The following ANO4 variants were observed in gnomAD, a reference collection of about 807,000 sequenced individuals.
ANO4 encodes the protein anoctamin-4.
Under a neutral mutation model 141.9 loss-of-function variants are expected in ANO4, and 69 were observed. The ratio of observed to expected loss-of-function variants is 0.49; its 90% CI spans 0.40 to 0.59. The LOEUF is 0.59. Among genes scored for constraint, ANO4 ranks in the 20% least tolerant of loss-of-function variants. The probability of loss-of-function intolerance (pLI) is 0.00; values close to 1 mark genes in which losing one functional copy is unlikely to be tolerated. For synonymous variants in ANO4, 350 were observed against 394.3 expected (o/e 0.89, Z 1.33); for missense variants, 894 against 1,162.2 (o/e 0.77, Z 3.36).
intron 1 of ANO4, among the ~76,000 whole-genome samples, chr12:100,855,543 G>A (rs967726347): frequency 6.6e-6 from 1 of 152,046 alleles, no homozygotes; most frequent in Non-Finnish European, 1.5e-5. Flanking sequence ...ATGGCTCTAT[G>A]ATAGCCTCTT....
chr12:100,901,887 G>T, intron 2 of ANO4, 47 bp downstream of exon 2: 2 of 1,474,560 alleles, frequency 1.4e-6, no homozygotes, highest in South Asian at 1.3e-5. Context: ...GTAGCAACCT[G>T]ACCACAGTCT....
At chr12:100,832,691 A>G (rs1477884057) in intron 1 of ANO4, among the ~76,000 whole-genome samples, 3 of 152,128 alleles carry the variant, frequency 2.0e-5, no homozygotes, top group African/African-American at 7.2e-5. Context: ...CCTGCTGCTT[A>G]ATGATTTCAG....
intron 7 of ANO4, among the ~76,000 whole-genome samples, chr12:100,975,955 A>C (rs56387762): frequency 0.75 from 93,839 of 124,366 alleles, 35,881 homozygotes; most frequent in East Asian, 0.82. Context: ...GAAAAAAAAA[A>C]CCCACCAGAT....
At chr12:100,822,875 A>C (rs905930567) in intron 1 of ANO4, among the ~76,000 whole-genome samples, 6 of 151,858 alleles carry the variant, frequency 4.0e-5, no homozygotes, top group African/African-American at 1.5e-4. Flanking sequence ...GACGTTGCAA[A>C]ATTTGATATA....
chr12:100,740,508 A>G (rs1288366269), intron 3 of ANO4, among the ~76,000 whole-genome samples: 2 of 152,184 alleles, frequency 1.3e-5, no homozygotes, highest in Non-Finnish European at 2.9e-5. Context: ...GAATTTCAAG[A>G]TATGTCATAT....
intron 14 of ANO4, among the ~76,000 whole-genome samples, chr12:101,059,565 C>T (rs909473054): frequency 2.6e-5 from 4 of 152,024 alleles, no homozygotes; most frequent in African/African-American, 7.2e-5. Flanking sequence ...TTCAGGGGTT[C>T]GACATCTTCC....
rs144306766 is a variant in ANO4 at position 100,827,453 on chromosome 12, T to C, written c.-141+32426T>C. Among the ~76,000 whole-genome samples, 364 of 152,140 alleles carry C rather than the reference T, an allele frequency of 2.4e-3. 2 individuals are homozygous for C. Among genetic ancestry groups the C allele is most frequent in the East Asian group, 0.018 (92 of 5,152 alleles). On this transcript the variant is annotated intron_variant, in intron 1 of 27. Transcript: ENST00000392977. Reference sequence around the variant, plus strand: ...CCCCCATAACAGCTTATATTTTAAATTAAATGTATCTTTGTTGTTTTTTTA... The same window carrying C: ...CCCCCATAACAGCTTATATTTTAAACTAAATGTATCTTTGTTGTTTTTTTA...
At chr12:100,838,016 G>GC (rs1363334065) in intron 1 of ANO4, among the ~76,000 whole-genome samples, 1 of 151,946 alleles carries the variant, frequency 6.6e-6, no homozygotes, top group Non-Finnish European at 1.5e-5. Context: ...TATTCCACAG[G>GC]CCCCTATAGG....
At chr12:100,991,990 G>T (rs956655627) in intron 8 of ANO4, among the ~76,000 whole-genome samples, 5 of 152,110 alleles carry the variant, frequency 3.3e-5, no homozygotes, top group Non-Finnish European at 7.4e-5. Context: ...ACTGGAGTCT[G>T]GAAGCTATTC....
intron 3 of ANO4, among the ~76,000 whole-genome samples, chr12:100,750,473 G>A (rs2032324770): frequency 6.6e-6 from 1 of 152,002 alleles, no homozygotes; most frequent in Non-Finnish European, 1.5e-5. Context: ...AAGCTTCCAA[G>A]TGATGCCCAT....
At chr12:100,805,907 G>A (rs774586372) in intron 1 of ANO4, among the ~76,000 whole-genome samples, 1 of 152,138 alleles carries the variant, frequency 6.6e-6, no homozygotes, top group Non-Finnish European at 1.5e-5. Flanking sequence ...TCCCTGGGAG[G>A]AGGACCCACT....
chr12:101,083,783 A>G lies in ANO4; in HGVS notation c.1501A>G (p.Arg501Gly). Reference protein sequence around the residue: ...PYQAFTDKCSRLIVSASGIFF... With the variant: ...PYQAFTDKCSGLIVSASGIFF... ...TCAAGCATTTACAGATAAATGCAGC[A>G]GACTTATCGTTTCTGCATCTGGAAT... Residue 501 changes from arginine (R) to glycine (G), a missense_variant, in exon 16 of 28, where the codon AGA becomes GGA. By Grantham distance (125) the Arg-to-Gly change is moderately radical (BLOSUM62 -2). This residue lies in a region of ANO4 where 637 missense variants were observed against 909.2 expected (regional missense o/e 0.70). Coordinates refer to ENST00000392977, the MANE Select transcript of ANO4 (RefSeq NM_001286615.2). 1 of 1,581,774 alleles carries G rather than the reference A, an allele frequency of 6.3e-7. No homozygotes were observed. Among genetic ancestry groups the G allele is most frequent in the Non-Finnish European group, 8.5e-7 (1 of 1,171,934 alleles).
chr12:101,033,503 A>C (rs541645860), intron 9 of ANO4, among the ~76,000 whole-genome samples: 209 of 152,238 alleles, frequency 1.4e-3, no homozygotes, highest in African/African-American at 4.7e-3. Flanking sequence ...AGATGGATTA[A>C]AGACTTAAAT....
intron 8 of ANO4, among the ~76,000 whole-genome samples, chr12:101,007,716 A>G (rs1423428179): frequency 6.6e-6 from 1 of 152,112 alleles, no homozygotes; most frequent in African/African-American, 2.4e-5. Flanking sequence ...CAGAACTCAG[A>G]GTTTTGTTTT....
At chr12:100,809,473 T>C (rs1402093597) in intron 1 of ANO4, among the ~76,000 whole-genome samples, 2 of 151,830 alleles carry the variant, frequency 1.3e-5, no homozygotes, top group Admixed American at 1.3e-4. Flanking sequence ...CAAGCTGTCC[T>C]GGGGCAATCA....
At chr12:101,052,229 T>A (rs1297005066) in intron 14 of ANO4, among the ~76,000 whole-genome samples, 3 of 152,138 alleles carry the variant, frequency 2.0e-5, no homozygotes, top group Non-Finnish European at 4.4e-5. Context: ...TCAGGTCACG[T>A]CTGTGTGAGT....
intron 2 of ANO4, among the ~76,000 whole-genome samples, chr12:100,919,472 A>G (rs1348212749): frequency 1.3e-5 from 2 of 152,160 alleles, no homozygotes; most frequent in Admixed American, 1.3e-4. Context: ...TACAGTATTC[A>G]GTGCAGTAAC....
intron 13 of ANO4, among the ~76,000 whole-genome samples, chr12:101,047,471 A>G (rs1400855911): frequency 6.6e-6 from 1 of 152,196 alleles, no homozygotes; most frequent in Non-Finnish European, 1.5e-5. Context: ...CTTCTGGAAT[A>G]ATCTGAAATA....
chr12:100,916,528 A>G (rs925478885), intron 2 of ANO4, among the ~76,000 whole-genome samples: 2 of 152,206 alleles, frequency 1.3e-5, no homozygotes, highest in East Asian at 1.9e-4. Flanking sequence ...CCAGGCTTCA[A>G]TGTGTTACTG....
Sources: allele counts gnomAD v4.1 joint callset (sites outside exome capture counted in the v4.1 genomes callset), GRCh38; gene constraint gnomAD v4.1.1; regional missense constraint gnomAD v4.1.1; transcripts MANE v1.5; gene names NCBI Gene and HGNC (gene_info 2026-07-23, HGNC 2026-07-21).